The following HGS variants were observed in gnomAD, a reference collection of about 807,000 sequenced individuals.
HGS encodes human growth factor-regulated tyrosine kinase substrate.
In HGS, 63 loss-of-function variants were observed where a neutral mutation model predicts 109.7. The observed-to-expected ratio is 0.57, with a 90% CI of 0.47 to 0.71. The LOEUF is 0.71. Ranked by LOEUF, HGS falls within the 30% of genes least tolerant of loss-of-function variation. The pLI is 0.00. For synonymous variants in HGS, 546 were observed against 437.3 expected (o/e 1.25, Z -3.10); for missense variants, 995 against 1,068.3 (o/e 0.93, Z 0.96).
In HGS at chr17:81,701,493, T is replaced by C. The variant is rs746851140; in HGVS notation, c.2224-15T>C. On this transcript the variant is annotated splice_polypyrimidine_tract_variant and intron_variant, in intron 21 of 21. Transcript: ENST00000329138. ...AAGGGAGGACCAGGGCCATGCCTGC[T>C]TTCCTCCTGCACAGATGGCACCCTC... 19 of 1,542,430 alleles carry C rather than the reference T, an allele frequency of 1.2e-5. No individual in the cohort carries two copies. In the East Asian group the frequency reaches 4.1e-4, roughly 33 times the overall value.
At chr17:81,690,636 G>T (rs373230303) in intron 6 of HGS, 38 bp from the exon 7 acceptor site, 8 of 1,591,934 alleles carry the variant, frequency 5.0e-6, no homozygotes, top group South Asian at 4.5e-5. Flanking sequence ...GGCTGGTGGG[G>T]CGGGAAGCGT....
intron 7 of HGS, chr17:81,690,956 T>C: frequency 1.9e-6 from 1 of 537,880 alleles, no homozygotes. Flanking sequence ...CCAGCCTCAC[T>C]CTGGAATTAT....
chr17:81,693,619 C>T (rs769229683), intron 9 of HGS, 35 bp from the exon 10 acceptor site: 55 of 1,536,182 alleles, frequency 3.6e-5, no homozygotes, highest in South Asian at 2.1e-4. Flanking sequence ...ACCTCTTCCC[C>T]GGCGCCCCCC....
Position 81,700,503 on chromosome 17 carries a change from G to T in HGS, c.1919G>T (p.Gly640Val), listed in dbSNP as rs757996383. ...GTGAGTGCCTACATGTACCCAGCAG[G>T]GGCCACTGGGGCGCAGGCGGCCCCC... ...SMVSAYMYPAGATGAQAAPQA... is the reference protein window; with the variant it reads ...SMVSAYMYPAVATGAQAAPQA... Residue 640 changes from glycine (G) to valine (V), a missense_variant, in exon 19 of 22, where the codon GGG (glycine) becomes GTG (valine). By Grantham distance (109) the Gly-to-Val change is moderately radical (BLOSUM62 -3). Transcript: ENST00000329138. The T allele has an allele frequency of 1.9e-6, 3 of 1,604,798 alleles. No homozygotes were observed. The highest frequency in any genetic ancestry group is 2.6e-6 in the Non-Finnish European group (3 of 1,175,318).
chr17:81,693,366 G>T (rs1369767115), intron 8 of HGS, 137 bp from the exon 9 acceptor site: 3 of 688,630 alleles, frequency 4.4e-6, no homozygotes, highest in East Asian at 2.6e-5. Flanking sequence ...TGGCCATTCG[G>T]ACACCTGTGG....
At chr17:81,693,813 T>G (rs2037102365) in intron 10 of HGS, 57 bp from the exon 11 acceptor site, 4 of 1,555,314 alleles carry the variant, frequency 2.6e-6, no homozygotes, top group Non-Finnish European at 2.6e-6. Flanking sequence ...TGTGCTGCGG[T>G]GGGGCCGGAG....
At chr17:81,693,469 G>A (rs1394684500) in intron 8 of HGS, 34 bp from the exon 9 acceptor site, 6 of 1,544,478 alleles carry the variant, frequency 3.9e-6, no homozygotes, top group African/African-American at 1.4e-5. Flanking sequence ...CGGTGTCAGC[G>A]CATGGTGACC....
At chr17:81,700,417 T>A in intron 18 of HGS, 50 bp from the exon 19 acceptor site, 1 of 1,443,652 alleles carries the variant, frequency 6.9e-7, no homozygotes, top group Non-Finnish European at 9.3e-7. Context: ...TCCCTTCCTC[T>A]CCTCCCTGTT....
rs560088981 is a variant in HGS, at chr17:81,691,883, A to C, written c.662+312A>C. On this transcript the variant is annotated intron_variant, in intron 8 of 21. Coordinates refer to ENST00000329138, the MANE Select transcript of HGS (RefSeq NM_004712.5). The surrounding 1 kb of genome is among the most constrained non-coding windows in gnomAD (Gnocchi z 5.3). ...GGAATAAAACTTACAGAAAAGTTGC[A>C]AGAGTAGCACAGAGAAGCTGCGGGG... 54 of 289,204 alleles carry C rather than the reference A, an allele frequency of 1.9e-4. No individual in the cohort carries two copies. The highest frequency in any genetic ancestry group is 1.1e-3 in the African/African-American group (51 of 46,928). The allele number at this position is 289,204 out of a possible 1,614,324, so 17.9% of individuals were successfully genotyped here.
At position 81,696,825 on chromosome 17, in the gene HGS, T is replaced by C. The variant is rs750482936; in HGVS notation, c.1709T>C (p.Leu570Pro). 2 of 1,608,612 alleles carry C rather than the reference T, an allele frequency of 1.2e-6. No homozygotes were observed. Among genetic ancestry groups the C allele is most frequent in the Non-Finnish European group, 8.5e-7 (1 of 1,177,356 alleles). The change falls in exon 18 of 22, where the codon CTC (leucine) becomes CCC (proline). Residue 570 changes from leucine to proline, a missense_variant and splice_region_variant. Coordinates refer to ENST00000329138, the MANE Select transcript of HGS (RefSeq NM_004712.5). ...CACCGCTGTCTCTTTTGTCCCCAGC[T>C]CCAGGCCATGCCCGCAGCCGGAGGT... ...MPAFPLPYAQ[L>P]QAMPAAGGVL...
chr17:81,700,987 A>G (rs927473579), intron 20 of HGS, 58 bp from the exon 21 acceptor site: 1 of 1,561,858 alleles, frequency 6.4e-7, no homozygotes, highest in Admixed American at 1.7e-5. Flanking sequence ...AGCCAGAAAC[A>G]TCCCCGCCTG....
chr17:81,690,253 C>G lies in HGS; in HGVS notation c.468+19C>G. ...CGAGAGAGTGAGTGTGGGCGGCCGC[C>G]AGGGGTTCTGGAGTCGGGCTGCTCA... is the stretch of plus-strand genomic sequence containing the variant. On this transcript the variant is annotated intron_variant, in intron 6 of 21. Coordinates refer to ENST00000329138, the MANE Select transcript of HGS (RefSeq NM_004712.5). 6.2e-7 allele frequency: 1 copy of G among 1,613,160 alleles called. No homozygotes were observed. The highest frequency in any genetic ancestry group is 1.3e-5 in the African/African-American group (1 of 74,978).
chr17:81,685,926 A>G (rs955433603), intron 2 of HGS, among the ~76,000 whole-genome samples: 4 of 151,876 alleles, frequency 2.6e-5, no homozygotes, highest in Non-Finnish European at 5.9e-5. Context: ...AAAGACTAAG[A>G]TGGCAGACAG....
At chr17:81,690,848 C>A in intron 7 of HGS, 106 bp downstream of exon 7, 2 of 1,008,436 alleles carry the variant, frequency 2.0e-6, no homozygotes, top group South Asian at 1.5e-5. Flanking sequence ...GTGGGTGGTT[C>A]AGGAGGTGAG....
intron 18 of HGS, among the ~76,000 whole-genome samples, chr17:81,699,214 C>T (rs2037197705): frequency 6.6e-6 from 1 of 152,266 alleles, no homozygotes; most frequent in Admixed American, 6.5e-5. Context: ...ACCTGGCCCA[C>T]TGTGGAGACG....
chr17:81,693,800 G>T, intron 10 of HGS, 48 bp downstream of exon 10: 1 of 1,549,108 alleles, frequency 6.5e-7, no homozygotes, highest in East Asian at 2.3e-5. Flanking sequence ...CAGCTCCCCT[G>T]GATGTGCTGC....
In HGS at chr17:81,694,954, G is replaced by A. The variant is rs2037121009; in HGVS notation, c.1006G>A (p.Glu336Lys). 3.7e-6 allele frequency: 6 copies of A among 1,614,060 alleles called. No individual in the cohort carries two copies. The highest frequency in any genetic ancestry group is 5.1e-6 in the Non-Finnish European group (6 of 1,180,052). The change falls in exon 13 of 22, where the codon GAG becomes AAG. Residue 336 changes from glutamate to lysine, a missense_variant. Physicochemically the swap from Glu to Lys is moderately conservative, Grantham distance 56. Transcript: ENST00000329138. Reference sequence around the variant, plus strand: ...ACGGTATCTCAACCGGAACTACTGGGAGAAGAAGCAGGAGGAGGCTCGCAA... The same window carrying A: ...ACGGTATCTCAACCGGAACTACTGGAAGAAGAAGCAGGAGGAGGCTCGCAA... Reference protein sequence around the residue: ...LARYLNRNYWEKKQEEARKSP... With the variant: ...LARYLNRNYWKKKQEEARKSP...
Position 81,691,241 on chromosome 17 carries a change from C to T in HGS, c.538-206C>T. On this transcript the variant is annotated intron_variant, in intron 7 of 21. Coordinates refer to ENST00000329138, the MANE Select transcript of HGS (RefSeq NM_004712.5). This position sits in a 1 kb window ranked among gnomAD's most constrained non-coding sequence, Gnocchi z 5.3. Reference sequence around the variant, plus strand: ...CTTACTTTTAACTTACCTTATTTTCCCCAAAACGGTGGCTGGCGTTGAGAC... The same window carrying T: ...CTTACTTTTAACTTACCTTATTTTCTCCAAAACGGTGGCTGGCGTTGAGAC... 1 of 592,538 alleles carries T rather than the reference C, an allele frequency of 1.7e-6. No individual in the cohort carries two copies. The highest frequency in any genetic ancestry group is 3.0e-6 in the Non-Finnish European group (1 of 333,870). 36.7% of individuals were successfully genotyped at this position (592,538 alleles called of 1,614,324 possible). A position where few individuals can be genotyped will look rare whatever the true frequency, so the allele number is the denominator to read the frequency against.
rs370344456 is a variant in HGS at position 81,694,885 on chromosome 17, G to T, written c.975+32G>T. On this transcript the variant is annotated intron_variant, in intron 12 of 21. Coordinates refer to ENST00000329138, the MANE Select transcript of HGS (RefSeq NM_004712.5). ...CCCAGCATGGGGTGCATCCTCTCAC[G>T]GTTTCTGGCCTTGGGAGTGACCCCC... The T allele has an allele frequency of 5.9e-5, 95 of 1,614,136 alleles. No individual in the cohort carries two copies. The African/African-American group carries it at 1.2e-3, about 20-fold the overall frequency.
Sources: gnomAD v4.1 joint callset for allele counts (sites outside exome capture counted in the v4.1 genomes callset) on GRCh38, gnomAD v4.1.1 for gene constraint, Gnocchi (gnomAD v3.1) non-coding constraint, MANE v1.5 for transcripts, NCBI Gene and HGNC (gene_info 2026-07-23, HGNC 2026-07-21) for gene names.